Variants in PCSK5 observed in about 807,000 individuals in gnomAD.
PCSK5 encodes proprotein convertase subtilisin/kexin type 5, also known as prohormone convertase 5.
Under a neutral mutation model 233.2 loss-of-function variants are expected in PCSK5, and 129 were observed. The observed-to-expected ratio is 0.55, with a 90% confidence interval of 0.48 to 0.64. The LOEUF is 0.64. PCSK5 is among the 30% of genes least tolerant of loss of function. The pLI is 0.00. For missense variants in PCSK5, 2,076 were observed against 2,430.1 expected (o/e 0.85, Z 3.06); for synonymous variants, 825 against 879.2 (o/e 0.94, Z 1.09).
intron 10 of PCSK5, among the ~76,000 whole-genome samples, chr9:76,154,785 CT>C (rs1289238258): frequency 2.0e-5 from 3 of 152,056 alleles, no homozygotes; most frequent in African/African-American, 7.3e-5. Flanking sequence ...GGTATATAGG[CT>C]ATGGTTAAAT....
intron 5 of PCSK5, among the ~76,000 whole-genome samples, chr9:76,039,106 T>G (rs975908556): frequency 1.3e-5 from 2 of 152,240 alleles, no homozygotes; most frequent in Non-Finnish European, 2.9e-5. Context: ...CAAATTATAT[T>G]TCTGTTCTTG....
intron 3 of PCSK5, among the ~76,000 whole-genome samples, chr9:75,987,735 C>A (rs10781323): frequency 0.64 from 97,910 of 152,044 alleles, 32,921 homozygotes; most frequent in East Asian, 0.82. Context: ...AAGAGTGAAC[C>A]CCAAGGGAAG....
At chr9:76,152,333 A>T (rs145155558) in intron 10 of PCSK5, among the ~76,000 whole-genome samples, 36 of 152,284 alleles carry the variant, frequency 2.4e-4, no homozygotes, top group African/African-American at 8.7e-4. Context: ...GGAATAGGAG[A>T]TATTTTAGCT....
At chr9:76,191,170 T>C (rs1334492509) in intron 20 of PCSK5, among the ~76,000 whole-genome samples, 1 of 152,176 alleles carries the variant, frequency 6.6e-6, no homozygotes, top group Non-Finnish European at 1.5e-5. Flanking sequence ...GTTTAAACTA[T>C]TGTTGTTCAA....
chr9:76,164,584 G>A (rs1823017769), intron 12 of PCSK5, among the ~76,000 whole-genome samples: 1 of 152,142 alleles, frequency 6.6e-6, no homozygotes, highest in African/African-American at 2.4e-5. Flanking sequence ...AATTCTATCA[G>A]TCTGCGGTGA....
intron 2 of PCSK5, among the ~76,000 whole-genome samples, chr9:75,967,166 A>C (rs939338256): frequency 1.3e-5 from 2 of 152,058 alleles, no homozygotes; most frequent in African/African-American, 2.4e-5. Flanking sequence ...GTTTTGTTAC[A>C]TGGGTATATT....
chr9:76,173,373 G>A (rs572262562), intron 13 of PCSK5, among the ~76,000 whole-genome samples: 46 of 151,932 alleles, frequency 3.0e-4, no homozygotes, highest in Non-Finnish European at 6.2e-4. Flanking sequence ...GTTCTGAGGG[G>A]CATTCTACCT....
chr9:76,343,132 TA>T (rs151296297), intron 35 of PCSK5, among the ~76,000 whole-genome samples: 5 of 151,330 alleles, frequency 3.3e-5, no homozygotes, highest in Non-Finnish European at 7.4e-5. Context: ...CATCTCCACT[TA>T]AAAAACAACT....
At chr9:76,157,471 G>C (rs1315376788) in intron 11 of PCSK5, among the ~76,000 whole-genome samples, 1 of 149,326 alleles carries the variant, frequency 6.7e-6, no homozygotes, top group Non-Finnish European at 1.5e-5. Context: ...CCAGAAGTCA[G>C]TGTACTTTTA....
intron 3 of PCSK5, among the ~76,000 whole-genome samples, chr9:75,990,082 G>C (rs755645720): frequency 2.6e-5 from 4 of 152,198 alleles, no homozygotes; most frequent in Non-Finnish European, 4.4e-5. Context: ...ATGAGTCAAA[G>C]AAAGGTGAGA....
intron 35 of PCSK5, among the ~76,000 whole-genome samples, chr9:76,342,582 T>C (rs1829865706): frequency 6.6e-6 from 1 of 152,202 alleles, no homozygotes; most frequent in African/African-American, 2.4e-5. Flanking sequence ...AATAACTTCT[T>C]CCCAAGTACA....
At chr9:75,898,168 G>A (rs1825887494) in intron 1 of PCSK5, among the ~76,000 whole-genome samples, 1 of 152,130 alleles carries the variant, frequency 6.6e-6, no homozygotes, top group South Asian at 2.1e-4. Context: ...GAATTTGATT[G>A]CAGTGATGTT....
Position 75,891,247 on chromosome 9 carries a change from C to T in PCSK5, c.66C>T (p.Leu22=), listed in dbSNP as rs1480247301. The change falls in exon 1 of 38, where the codon CTC becomes CTT. Residue 22 remains leucine (L), a synonymous_variant. Transcript: ENST00000674117. ...ACCTGCTGTGCGTGCTGGCGCTGCT[C>T]GGGGGCTGCCTGCTCCCCGTGTGTC... ...RLDLLCVLAL[L]GGCLLPVCRT... The T allele has an allele frequency of 6.6e-7, 1 of 1,525,944 alleles. No homozygotes were observed. Among genetic ancestry groups the T allele is most frequent in the Non-Finnish European group, 8.7e-7 (1 of 1,146,634 alleles). 94.5% of individuals were successfully genotyped at this position (1,525,944 alleles called of 1,614,324 possible).
At chr9:76,116,819 C>T (rs778915393) in intron 9 of PCSK5, among the ~76,000 whole-genome samples, 2 of 152,090 alleles carry the variant, frequency 1.3e-5, no homozygotes, top group Non-Finnish European at 2.9e-5. Context: ...ACCATTCTAC[C>T]ATATCACCTT....
At chr9:76,047,182 C>T (rs1279584202) in intron 5 of PCSK5, among the ~76,000 whole-genome samples, 1 of 148,382 alleles carries the variant, frequency 6.7e-6, no homozygotes, top group Non-Finnish European at 1.5e-5. Context: ...CTGCAAGCTC[C>T]GCCTCCTGGG....
At chr9:76,101,344 A>G (rs1831748577) in intron 8 of PCSK5, among the ~76,000 whole-genome samples, 1 of 152,184 alleles carries the variant, frequency 6.6e-6, no homozygotes, top group Non-Finnish European at 1.5e-5. Flanking sequence ...GTGAAAGTGA[A>G]ACGTTATTTG....
At chr9:76,198,954 A>G (rs1229258636) in intron 20 of PCSK5, among the ~76,000 whole-genome samples, 2 of 152,240 alleles carry the variant, frequency 1.3e-5, no homozygotes, top group African/African-American at 4.8e-5. Context: ...AAATAGCATG[A>G]AACCTTAAAA....
intron 2 of PCSK5, among the ~76,000 whole-genome samples, chr9:75,958,407 A>G (rs1330155669): frequency 6.6e-6 from 1 of 152,206 alleles, no homozygotes; most frequent in Non-Finnish European, 1.5e-5. Context: ...TTTACTCGGT[A>G]TGCTTAACAG....
chr9:76,030,023 TAGAG>T (rs2131502764), intron 5 of PCSK5, among the ~76,000 whole-genome samples: 1 of 152,198 alleles, frequency 6.6e-6, no homozygotes, highest in East Asian at 1.9e-4. Flanking sequence ...AGAAATTAGG[TAGAG>T]AGAAACAAAT....
Sources: allele counts gnomAD v4.1 joint callset (sites outside exome capture counted in the v4.1 genomes callset), GRCh38; gene constraint gnomAD v4.1.1; transcripts MANE v1.5; gene names NCBI Gene and HGNC (gene_info 2026-07-23, HGNC 2026-07-21).